The following UTS2R variants were observed in gnomAD, a reference collection of about 807,000 sequenced individuals.
UTS2R encodes urotensin-2 receptor.
For missense variants in UTS2R, 653 were observed against 562.2 expected (o/e 1.16, Z -1.63); for synonymous variants, 335 against 280.9 (o/e 1.19, Z -1.93).
In UTS2R at chr17:82,375,427, A is replaced by T; in HGVS notation, c.1103A>T (p.Asp368Val). ...SLSSCSPQPT[D>V]SLVLAPAAPA... ...TCTTCCTGCAGCCCACAGCCCACTGACAGCCTCGTGCTGGCCCCAGCGGCC... is the reference window on the plus strand; with the variant it reads ...TCTTCCTGCAGCCCACAGCCCACTGTCAGCCTCGTGCTGGCCCCAGCGGCC... Residue 368 changes from aspartate (D) to valine (V), a missense_variant, in exon 3 of 3, where the codon GAC (aspartate) becomes GTC (valine). Asp to Val is a radical substitution (Grantham distance 152). Transcript: ENST00000313135. 1 of 1,570,882 alleles carries T rather than the reference A, an allele frequency of 6.4e-7. No homozygotes were observed. Among genetic ancestry groups the T allele is most frequent in the South Asian group, 1.1e-5 (1 of 88,130 alleles).
rs200755715 is a variant in UTS2R at position 82,374,645 on chromosome 17, C to T, written c.321C>T (p.Ile107=). 3.8e-5 allele frequency: 61 copies of T among 1,613,188 alleles called. No individual in the cohort carries two copies. Among genetic ancestry groups the T allele is most frequent in the Middle Eastern group, 3.3e-4 (2 of 6,084 alleles). ...DLLYLLSIPF[I]VATYVTKEWH... ...TGTACCTGCTCAGCATCCCCTTCATCGTGGCCACCTACGTCACCAAGGAGT... is the reference window on the plus strand; with the variant it reads ...TGTACCTGCTCAGCATCCCCTTCATTGTGGCCACCTACGTCACCAAGGAGT... Residue 107 remains isoleucine, a synonymous_variant, in exon 3 of 3, where the codon ATC becomes ATT. Transcript: ENST00000313135.
At position 82,375,467 on chromosome 17, in the gene UTS2R, G is replaced by A; in HGVS notation, c.1143G>A (p.Ala381=). The A allele has an allele frequency of 6.7e-7, 1 of 1,484,348 alleles. No homozygotes were observed. The highest frequency in any genetic ancestry group is 9.0e-7 in the Non-Finnish European group (1 of 1,112,352). 91.9% of individuals were successfully genotyped at this position (1,484,348 alleles called of 1,614,324 possible). The change falls in exon 3 of 3, where the codon GCG becomes GCA. Residue 381 remains alanine, a synonymous_variant. Coordinates refer to ENST00000313135, the MANE Select transcript of UTS2R (RefSeq NM_018949.3). The part of the protein sequence containing the change: ...VLAPAAPARP[A]PEGPRAPA Reference sequence around the variant, plus strand: ...CCCCAGCGGCCCCGGCCCGACCTGCGCCCGAGGGTCCCAGGGCCCCGGCGT... The same window carrying A: ...CCCCAGCGGCCCCGGCCCGACCTGCACCCGAGGGTCCCAGGGCCCCGGCGT...
Position 82,376,056 on chromosome 17 carries a change from C to T in UTS2R, c.*562C>T, listed in dbSNP as rs1177785557. Among the ~76,000 whole-genome samples the T allele has an allele frequency of 6.6e-6, 1 of 152,144 alleles. No homozygotes were observed. Among genetic ancestry groups the T allele is most frequent in the African/African-American group, 2.4e-5 (1 of 41,430 alleles). Reference sequence around the variant, plus strand: ...TTTGAGGCCTGTGCAGGCGGCTGGTCTGGCACCTGATGTGGGGCAGGGAAG... The same window carrying T: ...TTTGAGGCCTGTGCAGGCGGCTGGTTTGGCACCTGATGTGGGGCAGGGAAG... On this transcript the variant is annotated 3_prime_UTR_variant, in exon 3 of 3. Coordinates refer to ENST00000313135, the MANE Select transcript of UTS2R (RefSeq NM_018949.3).
In UTS2R at chr17:82,377,322, C is replaced by T. The variant is rs1372940839; in HGVS notation, c.*1828C>T. On this transcript the variant is annotated 3_prime_UTR_variant, in exon 3 of 3. Coordinates refer to ENST00000313135, the MANE Select transcript of UTS2R (RefSeq NM_018949.3). The stretch of plus-strand genomic sequence containing the variant: ...AATCTCAAGTACCCAGGGACACAAA[C>T]ACTGCGGAAGGCCGCAGGGTCCTCT... 2.0e-5 allele frequency among the ~76,000 whole-genome samples: 3 copies of T among 152,000 alleles called. No homozygotes were observed. The highest frequency in any genetic ancestry group is 1.3e-4 in the Admixed American group (2 of 15,272).
chr17:82,372,811 G>A (rs1234894594), intron 2 of UTS2R, among the ~76,000 whole-genome samples, 28 bp downstream of exon 2: 6 of 152,236 alleles, frequency 3.9e-5, no homozygotes, highest in Non-Finnish European at 8.8e-5. Flanking sequence ...GAATTGCCGG[G>A]TGAGAAGGTA....
In UTS2R at chr17:82,376,774, C is replaced by G. The variant is rs2052499129; in HGVS notation, c.*1280C>G. On this transcript the variant is annotated 3_prime_UTR_variant, in exon 3 of 3. Transcript: ENST00000313135. ...ACTTTAAAAACAAAAGGATCCCACTCCCCGACCTTGTCCCTCTGTTAAAAT... is the reference window on the plus strand; with the variant it reads ...ACTTTAAAAACAAAAGGATCCCACTGCCCGACCTTGTCCCTCTGTTAAAAT... Among the ~76,000 whole-genome samples the G allele has an allele frequency of 1.3e-5, 2 of 152,248 alleles. No individual in the cohort carries two copies. The highest frequency in any genetic ancestry group is 4.8e-5 in the African/African-American group (2 of 41,460).
At chr17:82,373,118 T>G (rs1287915832) in intron 2 of UTS2R, among the ~76,000 whole-genome samples, 1 of 152,104 alleles carries the variant, frequency 6.6e-6, no homozygotes, top group East Asian at 1.9e-4. Context: ...TTGCAGTTCT[T>G]CCCTATATTT....
chr17:82,372,112 C>G (rs1227238105), intron 1 of UTS2R, among the ~76,000 whole-genome samples, 65 bp downstream of exon 1: 1 of 152,144 alleles, frequency 6.6e-6, no homozygotes, highest in Admixed American at 6.5e-5. Flanking sequence ...TCGGGGCCCT[C>G]CGCAGGGCTG....
chr17:82,375,793 C>G lies in UTS2R; in HGVS notation c.*299C>G, dbSNP rs1220102422. Among the ~76,000 whole-genome samples the G allele has an allele frequency of 6.6e-6, 1 of 152,204 alleles. No individual in the cohort carries two copies. The highest frequency in any genetic ancestry group is 1.5e-5 in the Non-Finnish European group (1 of 68,034). ...GGAGACCATGGCGCGGCTGCCGCCC[C>G]CGGGACCCTCCTCCTCTCAGCCAGC... is the stretch of plus-strand genomic sequence containing the variant. On this transcript the variant is annotated 3_prime_UTR_variant, in exon 3 of 3. Coordinates refer to ENST00000313135, the MANE Select transcript of UTS2R (RefSeq NM_018949.3).
chr17:82,375,032 C>T lies in UTS2R; in HGVS notation c.708C>T (p.Arg236=). Residue 236 remains arginine (R), a synonymous_variant, in exon 3 of 3, where the codon CGC becomes CGT. Coordinates refer to ENST00000313135, the MANE Select transcript of UTS2R (RefSeq NM_018949.3). ...LIGLLYARLA[R]AYRRSQRASF... is the part of the protein sequence containing the mutation. ...GGCTGCTCTACGCGCGCCTGGCCCG[C>T]GCCTACCGCCGCTCGCAGCGCGCCT... The T allele has an allele frequency of 1.4e-6, 2 of 1,388,692 alleles. No individual in the cohort carries two copies. Among genetic ancestry groups the T allele is most frequent in the Non-Finnish European group, 9.5e-7 (1 of 1,054,102 alleles). The allele number at this position is 1,388,692 out of a possible 1,614,324, so 86.0% of individuals were successfully genotyped here. A position where few individuals can be genotyped will look rare whatever the true frequency, so the allele number is the denominator to read the frequency against.
chr17:82,376,766 A>C lies in UTS2R; in HGVS notation c.*1272A>C, dbSNP rs962609323. ...CGTGTTTTACTTTAAAAACAAAAGG[A>C]TCCCACTCCCCGACCTTGTCCCTCT... On this transcript the variant is annotated 3_prime_UTR_variant, in exon 3 of 3. Coordinates refer to ENST00000313135, the MANE Select transcript of UTS2R (RefSeq NM_018949.3). Among the ~76,000 whole-genome samples the C allele has an allele frequency of 1.3e-5, 2 of 152,110 alleles. No homozygotes were observed. Among genetic ancestry groups the C allele is most frequent in the Non-Finnish European group, 1.5e-5 (1 of 67,998 alleles).
rs1410706005 is a variant in UTS2R at position 82,374,680 on chromosome 17, G to A, written c.356G>A (p.Gly119Glu). ...TACGTCACCAAGGAGTGGCACTTCG[G>A]GGACGTGGGCTGCCGCGTGCTCTTC... Reference protein sequence around the residue: ...ATYVTKEWHFGDVGCRVLFGL... With the variant: ...ATYVTKEWHFEDVGCRVLFGL... Residue 119 changes from glycine to glutamate, a missense_variant, in exon 3 of 3, where the codon GGG becomes GAG. By Grantham distance (98) the Gly-to-Glu change is moderately conservative. Coordinates refer to ENST00000313135, the MANE Select transcript of UTS2R (RefSeq NM_018949.3). The A allele has an allele frequency of 1.2e-6, 2 of 1,613,300 alleles. No homozygotes were observed. Among genetic ancestry groups the A allele is most frequent in the Admixed American group, 1.7e-5 (1 of 60,004 alleles).
rs967442498 is a variant in UTS2R, at chr17:82,375,901, C to T, written c.*407C>T. Among the ~76,000 whole-genome samples, 1 of 152,242 alleles carries T rather than the reference C, an allele frequency of 6.6e-6. No individual in the cohort carries two copies. The highest frequency in any genetic ancestry group is 1.5e-5 in the Non-Finnish European group (1 of 68,048). ...GAACAATCAACCCTGAGCTGGCTTC[C>T]GTGTCCTGCCTAGGCGCGGGGGACG... On this transcript the variant is annotated 3_prime_UTR_variant, in exon 3 of 3. Transcript: ENST00000313135.
Position 82,374,777 on chromosome 17 carries a change from G to T in UTS2R, c.453G>T (p.Ala151=), listed in dbSNP as rs1490889783. The T allele has an allele frequency of 6.2e-7, 1 of 1,600,092 alleles. No homozygotes were observed. Among genetic ancestry groups the T allele is most frequent in the Non-Finnish European group, 8.5e-7 (1 of 1,175,344 alleles). Residue 151 remains alanine, a synonymous_variant, in exon 3 of 3, where the codon GCG becomes GCT. Transcript: ENST00000313135. ...TCATGAGCAGCGAGCGCTACGCTGC[G>T]GTGCTGCGGCCGCTGGACACCGTGC... The part of the protein sequence containing the change: ...LTVMSSERYA[A]VLRPLDTVQR...
intron 2 of UTS2R, among the ~76,000 whole-genome samples, chr17:82,373,323 G>A (rs1048895915): frequency 6.6e-5 from 10 of 152,122 alleles, no homozygotes; most frequent in South Asian, 2.1e-4. Context: ...CACCATGCCC[G>A]ACTAATTTTT....
At position 82,377,254 on chromosome 17, in the gene UTS2R, T is replaced by C. The variant is rs1360490790; in HGVS notation, c.*1760T>C. Among the ~76,000 whole-genome samples, 1 of 152,176 alleles carries C rather than the reference T, an allele frequency of 6.6e-6. No individual in the cohort carries two copies. Among genetic ancestry groups the C allele is most frequent in the Non-Finnish European group, 1.5e-5 (1 of 68,030 alleles). On this transcript the variant is annotated 3_prime_UTR_variant, in exon 3 of 3. Coordinates refer to ENST00000313135, the MANE Select transcript of UTS2R (RefSeq NM_018949.3). ...TGCAAGATGTGCTTTGTTAAACAGA[T>C]GCTTGAAGGCAGCACGCTCGTTAGG...
chr17:82,373,125 A>C (rs1351629393), intron 2 of UTS2R, among the ~76,000 whole-genome samples: 1 of 146,346 alleles, frequency 6.8e-6, no homozygotes, highest in African/African-American at 2.5e-5. Context: ...TCTTCCCTAT[A>C]TTTTTCTTAC....
intron 2 of UTS2R, 112 bp from the exon 3 acceptor site, chr17:82,374,131 G>C (rs1414920889): frequency 6.9e-6 from 4 of 581,186 alleles, no homozygotes; most frequent in Non-Finnish European, 1.2e-5. Context: ...CTTCCAGAGA[G>C]TCCCGAGAGT....
chr17:82,373,475 C>T (rs2052464008), intron 2 of UTS2R, among the ~76,000 whole-genome samples: 1 of 152,212 alleles, frequency 6.6e-6, no homozygotes, highest in Admixed American at 6.5e-5. Context: ...TATATGTTTT[C>T]TGATGATCTC....
Sources: gnomAD v4.1 joint callset for allele counts (sites outside exome capture counted in the v4.1 genomes callset) on GRCh38, gnomAD v4.1.1 for gene constraint, MANE v1.5 for transcripts, NCBI Gene and HGNC (gene_info 2026-07-23, HGNC 2026-07-21) for gene names.